KCNH5: variants seen among roughly 807,000 people sequenced by gnomAD.
KCNH5 encodes the protein voltage-gated delayed rectifier potassium channel KCNH5.
A neutral mutation model predicts 96.1 loss-of-function variants in KCNH5; 46 were observed. That is an observed-to-expected ratio of 0.48 (90% CI 0.38 to 0.61). The LOEUF (loss-of-function observed/expected upper bound fraction) is 0.61, where lower values mean the gene tolerates loss of function less well. Ranked by LOEUF, KCNH5 falls within the 20% of genes least tolerant of loss-of-function variation. The pLI is 0.00. For missense variants in KCNH5, 907 were observed against 1,225.8 expected (o/e 0.74, Z 3.88); for synonymous variants, 439 against 449.8 (o/e 0.98, Z 0.30).
At chr14:62,718,016 CAG>C (rs1410313220) in intron 10 of KCNH5, among the ~76,000 whole-genome samples, 1 of 152,096 alleles carries the variant, frequency 6.6e-6, no homozygotes, top group African/African-American at 2.4e-5. Context: ...AACACAGAAA[CAG>C]AAAATCAAAT....
intron 9 of KCNH5, among the ~76,000 whole-genome samples, chr14:62,796,986 A>G (rs976015649): frequency 6.6e-6 from 1 of 152,172 alleles, no homozygotes; most frequent in Non-Finnish European, 1.5e-5. Flanking sequence ...GTAACTTTGA[A>G]TAGAATGGGA....
chr14:63,027,216 G>C (rs1238308389), intron 1 of KCNH5, among the ~76,000 whole-genome samples: 1 of 151,928 alleles, frequency 6.6e-6, no homozygotes, highest in Admixed American at 6.6e-5. Context: ...GGGAGATGTT[G>C]GTCAAGGGAC....
chr14:62,874,526 G>C (rs1276957431), intron 7 of KCNH5, among the ~76,000 whole-genome samples: 1 of 152,066 alleles, frequency 6.6e-6, no homozygotes. Context: ...GGGATGCAAG[G>C]CTGGTTCAAT....
At chr14:62,862,715 A>T (rs755802890) in intron 7 of KCNH5, among the ~76,000 whole-genome samples, 2 of 152,166 alleles carry the variant, frequency 1.3e-5, no homozygotes, top group African/African-American at 2.4e-5. Flanking sequence ...GGTTGTACTG[A>T]GGGACAACAA....
At chr14:62,937,028 G>C (rs1889697778) in intron 7 of KCNH5, among the ~76,000 whole-genome samples, 1 of 149,502 alleles carries the variant, frequency 6.7e-6, no homozygotes, top group African/African-American at 2.5e-5. Flanking sequence ...GAGAAGGAAG[G>C]ACAAACAATT....
intron 1 of KCNH5, among the ~76,000 whole-genome samples, chr14:63,020,687 T>A (rs138679403): frequency 1.1e-3 from 173 of 152,306 alleles, no homozygotes; most frequent in African/African-American, 4.1e-3. Context: ...CTGGCAAATG[T>A]AATTGTTCTC....
chr14:62,838,438 G>T (rs557501972), intron 8 of KCNH5, among the ~76,000 whole-genome samples: 17 of 152,210 alleles, frequency 1.1e-4, no homozygotes, highest in African/African-American at 3.9e-4. Flanking sequence ...AGCCCATCAT[G>T]CCCCATCTAA....
intron 10 of KCNH5, among the ~76,000 whole-genome samples, chr14:62,710,694 C>T (rs556391271): frequency 6.6e-6 from 1 of 152,162 alleles, no homozygotes; most frequent in South Asian, 2.1e-4. Context: ...GATGTGGTAA[C>T]TGAGAGCAGC....
chr14:62,944,514 G>A (rs558473802), intron 7 of KCNH5, among the ~76,000 whole-genome samples: 31 of 151,830 alleles, frequency 2.0e-4, no homozygotes, highest in South Asian at 1.3e-3. Context: ...CACACACACC[G>A]CTAAATCCCT....
intron 1 of KCNH5, among the ~76,000 whole-genome samples, chr14:63,035,444 A>G (rs962763768): frequency 6.6e-6 from 1 of 152,228 alleles, no homozygotes; most frequent in Non-Finnish European, 1.5e-5. Context: ...ACTCTATGTA[A>G]CAGGAGCTAA....
At chr14:62,946,046 A>G (rs180752225) in intron 7 of KCNH5, among the ~76,000 whole-genome samples, 1 of 152,068 alleles carries the variant, frequency 6.6e-6, no homozygotes, top group East Asian at 1.9e-4. Context: ...TGGGATAGAG[A>G]TTGTAGGGCA....
chr14:62,913,491 G>A (rs966961744), intron 7 of KCNH5, among the ~76,000 whole-genome samples: 1 of 152,154 alleles, frequency 6.6e-6, no homozygotes, highest in African/African-American at 2.4e-5. Flanking sequence ...CTCCCAAAGT[G>A]TTGGGATTAC....
At chr14:62,988,360 G>A (rs1378091100) in intron 4 of KCNH5, among the ~76,000 whole-genome samples, 2 of 151,928 alleles carry the variant, frequency 1.3e-5, no homozygotes, top group Admixed American at 6.6e-5. Context: ...TGACAATGAT[G>A]AAATTTCAGA....
chr14:62,847,990 T>C (rs1887732387), intron 8 of KCNH5, among the ~76,000 whole-genome samples: 1 of 152,234 alleles, frequency 6.6e-6, no homozygotes, highest in Non-Finnish European at 1.5e-5. Context: ...CATTCATGAA[T>C]AACTCAGTAT....
intron 6 of KCNH5, among the ~76,000 whole-genome samples, chr14:62,954,325 G>C (rs1225105446): frequency 1.3e-5 from 2 of 152,174 alleles, no homozygotes; most frequent in East Asian, 3.9e-4. Flanking sequence ...TTATCATACA[G>C]TTTCTGCACA....
At position 62,950,392 on chromosome 14, in the gene KCNH5, G is replaced by A. The variant is rs758631477; in HGVS notation, c.1110C>T (p.Ile370=). The change falls in exon 7 of 11, where the codon ATC becomes ATT. Residue 370 remains isoleucine, a synonymous_variant. Transcript: ENST00000322893. ...AHWLACIWYS[I]GDYEVIDEVT... ...CTTCATCAATGACCTCGTAGTCTCC[G>A]ATGCTATACCATATGCAGGCCAGCC... The A allele has an allele frequency of 2.2e-5, 36 of 1,613,864 alleles. No homozygotes were observed. The highest frequency in any genetic ancestry group is 6.6e-5 in the South Asian group (6 of 91,064).
At chr14:62,905,088 T>G (rs937258332) in intron 7 of KCNH5, among the ~76,000 whole-genome samples, 12 of 152,228 alleles carry the variant, frequency 7.9e-5, no homozygotes, top group Admixed American at 6.5e-5. Context: ...CAAGCCACGC[T>G]TCAGGTTCTG....
intron 7 of KCNH5, among the ~76,000 whole-genome samples, chr14:62,851,502 A>AC (rs1887804436): frequency 7.6e-6 from 1 of 132,146 alleles, no homozygotes; most frequent in Non-Finnish European, 1.7e-5. Context: ...CTTTCCTAAA[A>AC]AAAAAAAAAA....
At chr14:62,784,539 TA>T (rs1886282567) in intron 9 of KCNH5, among the ~76,000 whole-genome samples, 1 of 152,172 alleles carries the variant, frequency 6.6e-6, no homozygotes, top group South Asian at 2.1e-4. Flanking sequence ...TTTTCTACAT[TA>T]AAAAACAGCA....
Sources: gnomAD v4.1 joint callset for allele counts (sites outside exome capture counted in the v4.1 genomes callset) on GRCh38, gnomAD v4.1.1 for gene constraint, MANE v1.5 for transcripts, NCBI Gene and HGNC (gene_info 2026-07-23, HGNC 2026-07-21) for gene names.